Variants in STX8 observed in about 807,000 individuals in gnomAD.
The protein encoded by STX8 is syntaxin 8, also known as syntaxin-8.
Under a neutral mutation model 37.5 loss-of-function variants are expected in STX8, and 23 were observed. That is an observed-to-expected ratio of 0.61 (90% CI 0.44 to 0.87). STX8 has a LOEUF of 0.87. STX8 is among the 40% of genes least tolerant of loss of function. The pLI, the probability that STX8 is intolerant of heterozygous loss-of-function variation, is 0.00. For synonymous variants in STX8, 115 were observed against 99.1 expected, an observed-to-expected ratio of 1.16 and a Z score of -0.95; for missense variants, 313 against 284.7, an observed-to-expected ratio of 1.10 and a Z score of -0.71.
chr17:9,462,487 C>A lies in STX8; in HGVS notation c.541+29342G>T, dbSNP rs181577376. On this transcript the variant is annotated intron_variant, in intron 6 of 7. Coordinates refer to ENST00000306357, the MANE Select transcript of STX8 (RefSeq NM_004853.3). Reference sequence around the variant, plus strand: ...TTGTAATCCAAGTACTTTGGGAGGCCGAGGTGGGAGGATCACTTGAAAACA... The same window carrying A: ...TTGTAATCCAAGTACTTTGGGAGGCAGAGGTGGGAGGATCACTTGAAAACA... Among the ~76,000 whole-genome samples, 565 of 152,184 alleles carry A rather than the reference C, an allele frequency of 3.7e-3. 18 individuals are homozygous for A. Among genetic ancestry groups the A allele is most frequent in the Admixed American group, 0.034 (525 of 15,272 alleles).
At chr17:9,296,955 A>G (rs1908575032) in intron 7 of STX8, among the ~76,000 whole-genome samples, 2 of 152,208 alleles carry the variant, frequency 1.3e-5, no homozygotes, top group African/African-American at 4.8e-5. Flanking sequence ...TAATACATAT[A>G]CAGAAAATTA....
intron 5 of STX8, among the ~76,000 whole-genome samples, chr17:9,504,071 A>T (rs1406425636): frequency 6.8e-6 from 1 of 147,856 alleles, no homozygotes; most frequent in Non-Finnish European, 1.5e-5. Context: ...GCCGACACAT[A>T]CTAAGTTTTA....
rs964261152 is a variant in STX8 at position 9,426,031 on chromosome 17, A to G, written c.542-47378T>C. Among the ~76,000 whole-genome samples the G allele has an allele frequency of 2.0e-5, 3 of 150,186 alleles. No individual in the cohort carries two copies. In the South Asian group the frequency reaches 6.4e-4, roughly 32 times the overall value. ...CAAGTAGGATCAGCCAACCACTAAAAAGCACCCTGTTAATTAGAACCTAGA... is the reference window on the plus strand; with the variant it reads ...CAAGTAGGATCAGCCAACCACTAAAGAGCACCCTGTTAATTAGAACCTAGA... On this transcript the variant is annotated intron_variant, in intron 6 of 7. Coordinates refer to ENST00000306357, the MANE Select transcript of STX8 (RefSeq NM_004853.3).
chr17:9,281,826 C>T (rs754294138), intron 7 of STX8, among the ~76,000 whole-genome samples: 9 of 152,088 alleles, frequency 5.9e-5, no homozygotes, highest in Non-Finnish European at 1.0e-4. Context: ...CCCAGCTACT[C>T]GGGAGGCTGA....
At chr17:9,250,689 C>T (rs1304832656) in intron 7 of STX8, 44 bp from the exon 8 acceptor site, 1 of 1,538,640 alleles carries the variant, frequency 6.5e-7, no homozygotes, top group Admixed American at 1.9e-5. Flanking sequence ...TGATTCCTAC[C>T]AGAAAAGCAT....
rs57248368 is a variant in STX8, at chr17:9,274,678, AAATAATAAT to A, written c.644-24042_644-24034del. Among the ~76,000 whole-genome samples the A allele has an allele frequency of 2.2e-3, 240 of 106,704 alleles. 16 individuals are homozygous for A. Among genetic ancestry groups the A allele is most frequent in the Non-Finnish European group, 3.3e-3 (171 of 51,330 alleles). 70.0% of individuals were successfully genotyped at this position (106,704 alleles called of 152,430 possible). On this transcript the variant is annotated intron_variant, in intron 7 of 7. Transcript: ENST00000306357. ...GCAACAGTGTGAGACTCTGTCTCAA[AAATAATAAT>A]AATAATAATAATAATAATAATAATA...
At chr17:9,555,107 T>C (rs1906914559) in intron 3 of STX8, 1 of 152,174 alleles carries the variant, frequency 6.6e-6, no homozygotes, top group South Asian at 2.1e-4. Context: ...TCCTGGTAAA[T>C]TCTAAATTAT....
In STX8 at chr17:9,557,286, T is replaced by C. The variant is rs1597741869; in HGVS notation, c.212+148A>G. On this transcript the variant is annotated intron_variant, in intron 3 of 7. Transcript: ENST00000306357. Reference sequence around the variant, plus strand: ...TAAAACATGTAACAGACACTTAAAATAGAAATCAAGATTACAGGCAATATT... The same window carrying C: ...TAAAACATGTAACAGACACTTAAAACAGAAATCAAGATTACAGGCAATATT... 4.9e-6 allele frequency: 3 copies of C among 613,584 alleles called. No homozygotes were observed. The Admixed American group carries it at 8.6e-5, about 17-fold the overall frequency. 38.0% of individuals were successfully genotyped at this position (613,584 alleles called of 1,614,324 possible).
intron 7 of STX8, among the ~76,000 whole-genome samples, chr17:9,281,317 G>C (rs1387003269): frequency 6.6e-6 from 1 of 152,182 alleles, no homozygotes; most frequent in Admixed American, 6.5e-5. Flanking sequence ...GAGATGTAGG[G>C]GCTGAGCAGA....
At chr17:9,369,481 G>C (rs2161869) in intron 7 of STX8, among the ~76,000 whole-genome samples, 50,898 of 152,022 alleles carry the variant, frequency 0.33, 10,804 homozygotes, top group African/African-American at 0.61. Context: ...TGTGGTAAAA[G>C]ATTAAAAATA....
At chr17:9,258,048 A>G in intron 7 of STX8, among the ~76,000 whole-genome samples, 1 of 152,260 alleles carries the variant, frequency 6.6e-6, no homozygotes, top group East Asian at 1.9e-4. Context: ...TTCACACCAG[A>G]AGAGTTAGGC....
intron 3 of STX8, 23 bp from the exon 4 acceptor site, chr17:9,545,305 C>T (rs1906458839): frequency 1.3e-6 from 2 of 1,537,982 alleles, no homozygotes; most frequent in African/African-American, 1.4e-5. Flanking sequence ...TGTTAAGGTT[C>T]AATGGTGAAT....
chr17:9,498,002 T>G (rs1904468714), intron 5 of STX8, among the ~76,000 whole-genome samples: 1 of 152,208 alleles, frequency 6.6e-6, no homozygotes, highest in Admixed American at 6.5e-5. Context: ...GATGTTGTGT[T>G]GTCCAGTGCC....
At chr17:9,495,985 C>T (rs1216370568) in intron 5 of STX8, among the ~76,000 whole-genome samples, 1 of 151,816 alleles carries the variant, frequency 6.6e-6, no homozygotes, top group Non-Finnish European at 1.5e-5. Context: ...CCCAGAAGTT[C>T]AAGTCCAGCC....
In STX8 at chr17:9,568,410, T is replaced by C; in HGVS notation, c.78A>G (p.Gln26=). 12 of 1,612,698 alleles carry C rather than the reference T, an allele frequency of 7.4e-6. No individual in the cohort carries two copies. Among genetic ancestry groups the C allele is most frequent in the Non-Finnish European group, 1.0e-5 (12 of 1,179,878 alleles). Residue 26 remains glutamine, a synonymous_variant, in exon 2 of 8, where the codon CAA becomes CAG. Transcript: ENST00000306357. ...CACCTTTTCTTTCATATTGATTTCG[T>C]TGTTGAATTTTCTCAGCAATTTCTT... ...IAQEIAEKIQ[Q]RNQYERKGEK...
chr17:9,488,930 G>T (rs969178712), intron 6 of STX8, among the ~76,000 whole-genome samples: 1 of 152,130 alleles, frequency 6.6e-6, no homozygotes, highest in South Asian at 2.1e-4. Flanking sequence ...AAGCTGGAGT[G>T]CAGTGGTGCA....
rs75192829 is a variant in STX8 at position 9,562,850 on chromosome 17, G to A, written c.118-5322C>T. On this transcript the variant is annotated intron_variant, in intron 2 of 7. Coordinates refer to ENST00000306357, the MANE Select transcript of STX8 (RefSeq NM_004853.3). ...CCCTTTGAGGGGGGATTTCACATCA[G>A]GTTAAAAAAAAAATTACATATGCCC... is the stretch of plus-strand genomic sequence containing the variant. Among the ~76,000 whole-genome samples, 1,267 of 151,792 alleles carry A rather than the reference G, an allele frequency of 8.3e-3. 21 individuals are homozygous for A. Among genetic ancestry groups the A allele is most frequent in the African/African-American group, 0.029 (1,217 of 41,436 alleles).
chr17:9,516,830 A>C (rs1025124969), intron 4 of STX8, among the ~76,000 whole-genome samples: 1 of 152,306 alleles, frequency 6.6e-6, no homozygotes, highest in Admixed American at 6.5e-5. Context: ...CTAGCTTTGT[A>C]TCCCTCCTGG....
At chr17:9,541,236 A>G (rs943444134) in intron 4 of STX8, among the ~76,000 whole-genome samples, 1 of 151,752 alleles carries the variant, frequency 6.6e-6, no homozygotes, top group African/African-American at 2.4e-5. Context: ...ATTGTTCACT[A>G]ATAAGACAAT....
Sources: gnomAD v4.1 joint callset for allele counts (sites outside exome capture counted in the v4.1 genomes callset) on GRCh38, gnomAD v4.1.1 for gene constraint, MANE v1.5 for transcripts, NCBI Gene and HGNC (gene_info 2026-07-23, HGNC 2026-07-21) for gene names.